The following BBS9 variants were observed in gnomAD, a reference collection of about 807,000 sequenced individuals.
BBS9 encodes Bardet-Biedl syndrome 9, also known as protein PTHB1.
BBS9 carries 89 observed loss-of-function variants against 117.7 expected under a neutral mutation model. The observed-to-expected ratio is 0.76, with a 90% CI of 0.64 to 0.90. The LOEUF (loss-of-function observed/expected upper bound fraction) is 0.90, where lower values mean the gene tolerates loss of function less well. Among genes scored for constraint, BBS9 ranks in the 40% least tolerant of loss-of-function variants. BBS9 has a pLI of 0.00. For synonymous variants in BBS9, 379 were observed against 370.9 expected, an observed-to-expected ratio of 1.02 and a Z score of -0.25; for missense variants, 982 against 1,042.2, an observed-to-expected ratio of 0.94 and a Z score of 0.80.
chr7:33,157,452 C>T (rs1293029767), intron 4 of BBS9, among the ~76,000 whole-genome samples: 2 of 152,130 alleles, frequency 1.3e-5, no homozygotes, highest in East Asian at 3.9e-4. Flanking sequence ...TCTTAGGCCC[C>T]ACCTCACTTC....
intron 10 of BBS9, among the ~76,000 whole-genome samples, chr7:33,339,736 C>T (rs573289263): frequency 1.4e-3 from 206 of 152,232 alleles, no homozygotes; most frequent in African/African-American, 4.8e-3. Flanking sequence ...CATGTGCCAG[C>T]TCTCTCCACT....
At chr7:33,526,522 T>C (rs981506005) in intron 20 of BBS9, among the ~76,000 whole-genome samples, 5 of 151,474 alleles carry the variant, frequency 3.3e-5, no homozygotes, top group African/African-American at 1.2e-4. Context: ...TGATACCCTT[T>C]CTTCCAGTTG....
At chr7:33,155,471 G>T (rs1793958479) in intron 3 of BBS9, among the ~76,000 whole-genome samples, 167 bp from the exon 4 acceptor site, 1 of 152,110 alleles carries the variant, frequency 6.6e-6, no homozygotes, top group South Asian at 2.1e-4. Flanking sequence ...TGTCACATTG[G>T]CTGTTTATTG....
At chr7:33,140,582 T>C (rs1791298237) in intron 1 of BBS9, among the ~76,000 whole-genome samples, 1 of 152,182 alleles carries the variant, frequency 6.6e-6, no homozygotes, top group African/African-American at 2.4e-5. Flanking sequence ...CTCATTCTCA[T>C]AGTCCAGTAA....
At chr7:33,370,767 T>C (rs1367192015) in intron 17 of BBS9, among the ~76,000 whole-genome samples, 1 of 152,212 alleles carries the variant, frequency 6.6e-6, no homozygotes, top group Non-Finnish European at 1.5e-5. Context: ...CTGCTAGCTC[T>C]CTCTCCCCAG....
At chr7:33,319,178 G>T (rs1676080165) in intron 9 of BBS9, among the ~76,000 whole-genome samples, 1 of 143,496 alleles carries the variant, frequency 7.0e-6, no homozygotes. Flanking sequence ...AAAAAAAAAA[G>T]AATAATAGTC....
intron 21 of BBS9, among the ~76,000 whole-genome samples, chr7:33,542,788 TGTACACACACAC>T (rs1472784270): frequency 1.9e-5 from 2 of 107,426 alleles, no homozygotes; most frequent in Non-Finnish European, 1.9e-5. Flanking sequence ...TATATATATA[TGTACACACACAC>T]ACACACACAC....
At chr7:33,613,772 G>A (rs1050637534) in intron 21 of BBS9, among the ~76,000 whole-genome samples, 1 of 151,944 alleles carries the variant, frequency 6.6e-6, no homozygotes, top group East Asian at 1.9e-4. Context: ...ACAAAAATAG[G>A]TGACCTGGGC....
At chr7:33,302,911 A>G (rs1290850603) in intron 9 of BBS9, among the ~76,000 whole-genome samples, 2 of 152,214 alleles carry the variant, frequency 1.3e-5, no homozygotes, top group African/African-American at 4.8e-5. Context: ...CAATCCATGA[A>G]CATGGAACAT....
chr7:33,549,084 G>A (rs1853919786), intron 21 of BBS9, among the ~76,000 whole-genome samples: 1 of 149,754 alleles, frequency 6.7e-6, no homozygotes, highest in Non-Finnish European at 1.5e-5. Flanking sequence ...CAGAGTTATA[G>A]ATCAATGGAA....
At chr7:33,162,480 ATTTG>A (rs1401236695) in intron 4 of BBS9, among the ~76,000 whole-genome samples, 1 of 152,012 alleles carries the variant, frequency 6.6e-6, no homozygotes, top group Non-Finnish European at 1.5e-5. Context: ...ATGTTCTTCC[ATTTG>A]TTTGTGTCCT....
intron 5 of BBS9, among the ~76,000 whole-genome samples, chr7:33,207,576 T>TA (rs1224016981): frequency 2.0e-5 from 3 of 151,758 alleles, no homozygotes; most frequent in Non-Finnish European, 2.9e-5. Context: ...CTTTCTAGCA[T>TA]AGTAAGATGT....
rs188064819 is a variant in BBS9, at chr7:33,371,234, A to G, written c.1789+3372A>G. 3.8e-3 allele frequency among the ~76,000 whole-genome samples: 581 copies of G among 152,308 alleles called. 7 individuals carry two copies. Among genetic ancestry groups the G allele is most frequent in the Non-Finnish European group, 6.5e-3 (443 of 68,022 alleles). The stretch of plus-strand genomic sequence containing the variant: ...TAATTATAAAGATTATGCTTAAGTA[A>G]TTATGAGAAACAAATTTCACAGAAC... On this transcript the variant is annotated intron_variant, in intron 17 of 22. Coordinates refer to ENST00000242067, the MANE Select transcript of BBS9 (RefSeq NM_198428.3).
Position 33,392,340 on chromosome 7 carries a change from G to T in BBS9, c.2115+4196G>T, listed in dbSNP as rs765149279. Among the ~76,000 whole-genome samples, 83 of 152,274 alleles carry T rather than the reference G, an allele frequency of 5.5e-4. 1 individual carries two copies. The highest frequency in any genetic ancestry group is 2.6e-3 in the Admixed American group (40 of 15,292). ...CTCATGTGTCTCTGGTCAGCTGGTG[G>T]CTCAGCTCGGGACTGGATAGCTAGG... On this transcript the variant is annotated intron_variant, in intron 19 of 22. Transcript: ENST00000242067.
chr7:33,273,627 G>A (rs958111808), intron 8 of BBS9, among the ~76,000 whole-genome samples, 200 bp from the exon 9 acceptor site: 2 of 152,138 alleles, frequency 1.3e-5, no homozygotes, highest in Non-Finnish European at 2.9e-5. Flanking sequence ...TGATTATCTA[G>A]TTATAGCTTC....
intron 11 of BBS9, among the ~76,000 whole-genome samples, chr7:33,344,243 G>A (rs1401683778): frequency 2.0e-5 from 3 of 151,278 alleles, no homozygotes; most frequent in East Asian, 1.9e-4. Flanking sequence ...CACCGGGCCC[G>A]GCTAATTTTT....
chr7:33,616,491 G>A (rs1485352674), intron 21 of BBS9, among the ~76,000 whole-genome samples: 3 of 138,754 alleles, frequency 2.2e-5, no homozygotes, highest in African/African-American at 8.2e-5. Context: ...GTGTGTGTGT[G>A]TGTATATATA....
intron 20 of BBS9, among the ~76,000 whole-genome samples, chr7:33,527,702 C>A (rs560266061): frequency 2.6e-5 from 4 of 152,216 alleles, no homozygotes; most frequent in Non-Finnish European, 4.4e-5. Flanking sequence ...AGAAATCACC[C>A]GTCTTCTGCG....
rs199639207 is a variant in BBS9 at position 33,370,296 on chromosome 7, TA to T, written c.1789+2447del. ...AACATAGTGAGACCTAGTCCCTATT[TA>T]AAAAAAAAAAAAGAAAAGAAAAATT... On this transcript the variant is annotated intron_variant, in intron 17 of 22. Coordinates refer to ENST00000242067, the MANE Select transcript of BBS9 (RefSeq NM_198428.3). Among the ~76,000 whole-genome samples, 842 of 142,006 alleles carry T rather than the reference TA, an allele frequency of 5.9e-3. 10 individuals carry two copies. The highest frequency in any genetic ancestry group is 0.031 in the East Asian group (151 of 4,936). 93.2% of individuals were successfully genotyped at this position (142,006 alleles called of 152,430 possible). A position where few individuals can be genotyped will look rare whatever the true frequency, so the allele number is the denominator to read the frequency against.
Sources: gnomAD v4.1 joint callset for allele counts (sites outside exome capture counted in the v4.1 genomes callset) on GRCh38, gnomAD v4.1.1 for gene constraint, MANE v1.5 for transcripts, NCBI Gene and HGNC (gene_info 2026-07-23, HGNC 2026-07-21) for gene names.